Variants in FNDC3B observed in about 807,000 individuals in gnomAD.
The protein encoded by FNDC3B is fibronectin type III domain containing 3B.
FNDC3B carries 12 observed loss-of-function variants against 151.5 expected under a neutral mutation model. That is an observed-to-expected ratio of 0.08 (90% confidence interval 0.05 to 0.13). The LOEUF (loss-of-function observed/expected upper bound fraction) is 0.13. Ranked by LOEUF, FNDC3B falls within the 10% of genes least tolerant of loss-of-function variation. The pLI, the probability that FNDC3B is intolerant of heterozygous loss-of-function variation, is 1.00. For missense variants in FNDC3B, 1,214 were observed against 1,505.3 expected, an observed-to-expected ratio of 0.81 and a Z score of 3.20; for synonymous variants, 528 against 549.0, an observed-to-expected ratio of 0.96 and a Z score of 0.54.
rs1181726768 is a variant in FNDC3B at position 172,144,446 on chromosome 3, G to A, written c.187+10900G>A. ...CTCTACCAGCGGTGTGATTGAAGAG[G>A]GCAGGCAGGCGTCGAGCCTGAAGGA... On this transcript the variant is annotated intron_variant, in intron 3 of 25. Coordinates refer to ENST00000415807, the MANE Select transcript of FNDC3B (RefSeq NM_022763.4). Among the ~76,000 whole-genome samples the A allele has an allele frequency of 2.0e-5, 3 of 152,334 alleles. No individual in the cohort carries two copies. The East Asian group carries it at 5.8e-4, about 29-fold the overall frequency.
chr3:172,387,393 T>G (rs28572256), intron 25 of FNDC3B, among the ~76,000 whole-genome samples: 1 of 152,170 alleles, frequency 6.6e-6, no homozygotes, highest in Admixed American at 6.5e-5. Context: ...CCACCATGCC[T>G]GTCCCCTTCA....
At chr3:172,122,915 T>G (rs1441102402) in intron 2 of FNDC3B, among the ~76,000 whole-genome samples, 1 of 152,212 alleles carries the variant, frequency 6.6e-6, no homozygotes, top group Admixed American at 6.5e-5. Flanking sequence ...AACTTGTTAC[T>G]AAGGTTCCAT....
chr3:172,261,008 C>T (rs1344082108), intron 6 of FNDC3B, among the ~76,000 whole-genome samples: 1 of 152,152 alleles, frequency 6.6e-6, no homozygotes, highest in Non-Finnish European at 1.5e-5. Context: ...TTTCTCCCAC[C>T]CACATTCCTT....
intron 23 of FNDC3B, among the ~76,000 whole-genome samples, chr3:172,371,112 T>TC (rs1382752355): frequency 1.3e-5 from 2 of 151,730 alleles, no homozygotes; most frequent in Admixed American, 6.6e-5. Context: ...GGCAACACCC[T>TC]CCCCCCTTGC....
intron 3 of FNDC3B, among the ~76,000 whole-genome samples, chr3:172,178,285 A>T (rs1723713394): frequency 1.3e-5 from 2 of 152,070 alleles, no homozygotes; most frequent in Non-Finnish European, 2.9e-5. Context: ...GGGCTAAAGG[A>T]TGCTGACCTG....
intron 4 of FNDC3B, among the ~76,000 whole-genome samples, chr3:172,230,104 A>G (rs1409534845): frequency 6.6e-6 from 1 of 152,220 alleles, no homozygotes; most frequent in African/African-American, 2.4e-5. Flanking sequence ...GGATTTGTAT[A>G]TGTAACACCG....
chr3:172,248,267 A>C (rs557502759), intron 5 of FNDC3B, among the ~76,000 whole-genome samples: 3 of 152,266 alleles, frequency 2.0e-5, no homozygotes, highest in African/African-American at 7.2e-5. Context: ...CTATGTTGTG[A>C]TGCTGGCAGA....
At chr3:172,319,884 G>A (rs1428495355) in intron 11 of FNDC3B, among the ~76,000 whole-genome samples, 2 of 152,160 alleles carry the variant, frequency 1.3e-5, no homozygotes, top group South Asian at 2.1e-4. Flanking sequence ...TATTTTTTAT[G>A]TATTGTTGCC....
intron 1 of FNDC3B, among the ~76,000 whole-genome samples, chr3:172,092,985 CTTTTTTA>C (rs1237204933): frequency 6.6e-6 from 1 of 151,940 alleles, no homozygotes; most frequent in Non-Finnish European, 1.5e-5. Context: ...CACCTGGCTA[CTTTTTTA>C]TTTTTTGTAG....
intron 4 of FNDC3B, among the ~76,000 whole-genome samples, chr3:172,235,116 G>A (rs1447964336): frequency 6.6e-6 from 1 of 152,022 alleles, no homozygotes; most frequent in East Asian, 1.9e-4. Flanking sequence ...TTTTTAAAAG[G>A]TGATACGGTA....
chr3:172,117,865 G>C (rs924741114), intron 2 of FNDC3B, among the ~76,000 whole-genome samples: 2 of 152,040 alleles, frequency 1.3e-5, no homozygotes, highest in African/African-American at 4.8e-5. Context: ...TGTTTTTAAT[G>C]CTTCTTCTTC....
At chr3:172,297,893 A>C (rs1038598273) in intron 8 of FNDC3B, among the ~76,000 whole-genome samples, 3 of 152,228 alleles carry the variant, frequency 2.0e-5, no homozygotes, top group African/African-American at 7.2e-5. Flanking sequence ...TTACATTGAT[A>C]TGATACTTTT....
intron 6 of FNDC3B, among the ~76,000 whole-genome samples, chr3:172,253,585 TC>T (rs1398586601): frequency 9.9e-5 from 15 of 152,198 alleles, no homozygotes; most frequent in Admixed American, 2.6e-4. Flanking sequence ...TTCTTAAGTT[TC>T]CAGTGCCACC....
chr3:172,363,650 A>T (rs577307849), intron 23 of FNDC3B, among the ~76,000 whole-genome samples: 1 of 152,188 alleles, frequency 6.6e-6, no homozygotes, highest in African/African-American at 2.4e-5. Flanking sequence ...GGATAGAAGC[A>T]TTTCTGTTAT....
rs577517665 is a variant in FNDC3B at position 172,145,727 on chromosome 3, C to A, written c.187+12181C>A. 3.3e-5 allele frequency among the ~76,000 whole-genome samples: 5 copies of A among 152,134 alleles called. No individual in the cohort carries two copies. The East Asian group carries it at 9.7e-4, about 29-fold the overall frequency. The stretch of plus-strand genomic sequence containing the variant: ...CATCTGTACTTAGGCAATGCTAGAA[C>A]TGAGCTTGTGTTCTGTTGAGGAAGA... On this transcript the variant is annotated intron_variant, in intron 3 of 25. Transcript: ENST00000415807.
At chr3:172,300,186 T>C (rs1041583616) in intron 9 of FNDC3B, among the ~76,000 whole-genome samples, 3 of 152,220 alleles carry the variant, frequency 2.0e-5, no homozygotes, top group African/African-American at 7.2e-5. Context: ...AAGATGATAA[T>C]AGAAATGGTT....
chr3:172,286,046 T>C, intron 7 of FNDC3B, 62 bp downstream of exon 7: 1 of 1,316,934 alleles, frequency 7.6e-7, no homozygotes, highest in South Asian at 1.3e-5. Context: ...ATGTGCTTTT[T>C]TTTTTTTTCC....
intron 4 of FNDC3B, among the ~76,000 whole-genome samples, chr3:172,244,122 T>C (rs554847673): frequency 6.6e-6 from 1 of 152,366 alleles, no homozygotes; most frequent in Non-Finnish European, 1.5e-5. Flanking sequence ...TGAGTCTTAC[T>C]GTTGAGCACT....
intron 3 of FNDC3B, among the ~76,000 whole-genome samples, chr3:172,225,209 C>T (rs1396324604): frequency 4.6e-5 from 7 of 152,160 alleles, no homozygotes; most frequent in Non-Finnish European, 8.8e-5. Context: ...GGGTCTTGCT[C>T]TGTGCGCAGG....
Sources: allele counts gnomAD v4.1 joint callset (sites outside exome capture counted in the v4.1 genomes callset), GRCh38; gene constraint gnomAD v4.1.1; transcripts MANE v1.5; gene names NCBI Gene and HGNC (gene_info 2026-07-23, HGNC 2026-07-21).